The following GUCY2F variants were observed in gnomAD, a reference collection of about 807,000 sequenced individuals.
The protein encoded by GUCY2F is retinal guanylyl cyclase 2.
GUCY2F carries 61 observed loss-of-function variants against 73.1 expected under a neutral mutation model. The ratio of observed to expected loss-of-function variants is 0.83; its 90% CI spans 0.68 to 1.03. GUCY2F has a LOEUF of 1.03. GUCY2F is among the 50% of genes least tolerant of loss of function. The pLI is 0.00. For synonymous variants in GUCY2F, 331 were observed against 307.8 expected (o/e 1.08, Z -0.79); for missense variants, 912 against 854.3 (o/e 1.07, Z -0.84).
intron 7 of GUCY2F, among the ~76,000 whole-genome samples, chrX:109,436,581 C>T (rs1286085050): frequency 5.4e-5 from 6 of 111,793 alleles, no homozygotes; most frequent in Admixed American, 9.5e-5. Context: ...GTGGCACATA[C>T]ACACCATGGA....
intron 7 of GUCY2F, among the ~76,000 whole-genome samples, chrX:109,433,508 G>A (rs918757893): frequency 8.9e-6 from 1 of 111,795 alleles, no homozygotes; most frequent in Non-Finnish European, 1.9e-5. Context: ...GTGTGTGTTT[G>A]TTTTAAGATT....
intron 5 of GUCY2F, among the ~76,000 whole-genome samples, chrX:109,448,722 T>C (rs1338971243): frequency 8.9e-6 from 1 of 112,242 alleles, no homozygotes; most frequent in Non-Finnish European, 1.9e-5. Context: ...AAGACACTTG[T>C]CTTGTAAAGT....
chrX:109,385,504 C>A (rs1040962581), intron 15 of GUCY2F, among the ~76,000 whole-genome samples: 27 of 112,162 alleles, frequency 2.4e-4, no homozygotes, highest in African/African-American at 8.7e-4. Context: ...TGATGTATAC[C>A]TTTGTTCCAC....
At chrX:109,447,066 C>A (rs1262605521) in intron 6 of GUCY2F, among the ~76,000 whole-genome samples, 1 of 112,030 alleles carries the variant, frequency 8.9e-6, no homozygotes, top group Non-Finnish European at 1.9e-5. Context: ...CAAATCAAAA[C>A]CACAATGAGA....
chrX:109,416,215 A>G (rs749463191), intron 8 of GUCY2F, among the ~76,000 whole-genome samples: 2 of 111,532 alleles, frequency 1.8e-5, no homozygotes, highest in African/African-American at 6.5e-5. Flanking sequence ...AAAAAGGTCA[A>G]TAGAAATTCA....
At chrX:109,461,270 T>A (rs754770234) in intron 3 of GUCY2F, among the ~76,000 whole-genome samples, 4 of 111,731 alleles carry the variant, frequency 3.6e-5, no homozygotes, top group Non-Finnish European at 7.5e-5. Flanking sequence ...AATATGAAAG[T>A]GGTTGCTTCT....
At chrX:109,427,782 G>C (rs1931521781) in intron 8 of GUCY2F, among the ~76,000 whole-genome samples, 1 of 112,213 alleles carries the variant, frequency 8.9e-6, no homozygotes, top group African/African-American at 3.2e-5. Flanking sequence ...GGCCACCCAA[G>C]TCAGTGAAGG....
intron 3 of GUCY2F, among the ~76,000 whole-genome samples, chrX:109,459,724 C>T (rs1932326827): frequency 8.9e-6 from 1 of 111,831 alleles, no homozygotes; most frequent in South Asian, 3.7e-4. Flanking sequence ...AGAGCCAAGG[C>T]CTACAGATAT....
chrX:109,399,133 C>G (rs932971697), intron 10 of GUCY2F, among the ~76,000 whole-genome samples: 26 of 112,589 alleles, frequency 2.3e-4, no homozygotes, highest in African/African-American at 6.8e-4. Context: ...AAGTTGCTTT[C>G]TCCAGGTCTC....
intron 10 of GUCY2F, among the ~76,000 whole-genome samples, chrX:109,403,610 C>T (rs946839206): frequency 8.9e-6 from 1 of 112,029 alleles, no homozygotes; most frequent in African/African-American, 3.2e-5. Flanking sequence ...CTCCCCAAAA[C>T]TTTGGTAGTG....
chrX:109,455,028 T>G (rs935022848), intron 3 of GUCY2F, among the ~76,000 whole-genome samples: 4 of 111,899 alleles, frequency 3.6e-5, no homozygotes, highest in African/African-American at 9.7e-5. Flanking sequence ...GTGTAGCAGA[T>G]AGCAAGACAC....
At chrX:109,411,138 T>G (rs1170864482) in intron 8 of GUCY2F, among the ~76,000 whole-genome samples, 1 of 108,648 alleles carries the variant, frequency 9.2e-6, no homozygotes, top group Admixed American at 1.0e-4. Context: ...CATATTAATA[T>G]AGGGAATTCA....
intron 8 of GUCY2F, among the ~76,000 whole-genome samples, chrX:109,428,423 G>A (rs1931535970): frequency 9.0e-6 from 1 of 111,596 alleles, no homozygotes; most frequent in East Asian, 2.8e-4. Context: ...AGGAACACAG[G>A]CAAACTAAAA....
At chrX:109,465,624 G>A (rs1932454114) in intron 2 of GUCY2F, among the ~76,000 whole-genome samples, 181 bp from the exon 3 acceptor site, 1 of 111,960 alleles carries the variant, frequency 8.9e-6, no homozygotes, top group South Asian at 3.7e-4. Context: ...CTCTGGATTG[G>A]GGATAGTGAC....
chrX:109,465,868 A>C (rs755281860), intron 2 of GUCY2F, among the ~76,000 whole-genome samples: 2 of 112,420 alleles, frequency 1.8e-5, no homozygotes, highest in East Asian at 5.6e-4. Flanking sequence ...TGATGATTGA[A>C]GAAAGGAGAC....
At chrX:109,479,150 G>T (rs1603387124) in intron 1 of GUCY2F, among the ~76,000 whole-genome samples, 1 of 111,404 alleles carries the variant, frequency 9.0e-6, no homozygotes, top group African/African-American at 3.3e-5. Flanking sequence ...GCTGGGGGTG[G>T]GGAGCACCAG....
chrX:109,373,614 T>G (rs928291646), intron 19 of GUCY2F, among the ~76,000 whole-genome samples: 2 of 112,269 alleles, frequency 1.8e-5, no homozygotes, highest in African/African-American at 6.5e-5. Flanking sequence ...TGACCCTCTA[T>G]TCTTCAAAAC....
intron 9 of GUCY2F, among the ~76,000 whole-genome samples, chrX:109,405,929 C>T (rs1179829053): frequency 1.8e-5 from 2 of 111,487 alleles, no homozygotes; most frequent in Non-Finnish European, 3.8e-5. Context: ...CTCATTTAAC[C>T]TCCCTGAGCC....
At chrX:109,476,769 GATA>G (rs1932705991) in intron 1 of GUCY2F, among the ~76,000 whole-genome samples, 1 of 103,733 alleles carries the variant, frequency 9.6e-6, no homozygotes, top group Non-Finnish European at 1.9e-5. Flanking sequence ...TAGATAGATA[GATA>G]GACAGACTAT....
Sources: allele counts gnomAD v4.1 joint callset (sites outside exome capture counted in the v4.1 genomes callset), GRCh38; gene constraint gnomAD v4.1.1; transcripts MANE v1.5; gene names NCBI Gene and HGNC (gene_info 2026-07-23, HGNC 2026-07-21).